The following NUGGC variants were observed in gnomAD, a reference collection of about 807,000 sequenced individuals.
The protein encoded by NUGGC is nuclear GTPase, germinal center associated.
In NUGGC, 58 loss-of-function variants were observed where a neutral mutation model predicts 92.6. That is an observed-to-expected ratio of 0.63 (90% CI 0.51 to 0.78). The LOEUF is 0.78. NUGGC is among the 30% of genes least tolerant of loss of function. The pLI is 0.00. For missense variants in NUGGC, 925 were observed against 964.6 expected, an observed-to-expected ratio of 0.96 and a Z score of 0.54; for synonymous variants, 376 against 366.4, an observed-to-expected ratio of 1.03 and a Z score of -0.30.
At chr8:28,054,125 A>T (rs940306157) in intron 10 of NUGGC, among the ~76,000 whole-genome samples, 1 of 152,194 alleles carries the variant, frequency 6.6e-6, no homozygotes, top group Non-Finnish European at 1.5e-5. Context: ...TTACTCTGAT[A>T]TATCCCTTAT....
chr8:28,053,999 A>C (rs901942794), intron 10 of NUGGC, among the ~76,000 whole-genome samples: 1 of 152,246 alleles, frequency 6.6e-6, no homozygotes, highest in African/African-American at 2.4e-5. Flanking sequence ...ATATTATTGA[A>C]GGCAAAATAC....
chr8:28,052,285 A>T (rs1299891051), intron 10 of NUGGC, among the ~76,000 whole-genome samples: 5 of 152,202 alleles, frequency 3.3e-5, no homozygotes. Flanking sequence ...GCCAGGTGGC[A>T]GTCACAAGGT....
At chr8:28,072,879 G>A (rs1340281756) in intron 2 of NUGGC, among the ~76,000 whole-genome samples, 1 of 151,854 alleles carries the variant, frequency 6.6e-6, no homozygotes, top group Non-Finnish European at 1.5e-5. Context: ...TGTTGGGGTG[G>A]ATAGCGGCAG....
At chr8:28,056,190 A>T in intron 9 of NUGGC, 136 bp from the exon 10 acceptor site, 1 of 563,040 alleles carries the variant, frequency 1.8e-6, no homozygotes, top group South Asian at 2.3e-5. Context: ...TTAGAATTAT[A>T]CACAGTTGCC....
intron 8 of NUGGC, among the ~76,000 whole-genome samples, chr8:28,059,434 C>T (rs1193184485): frequency 1.3e-5 from 2 of 152,164 alleles, no homozygotes; most frequent in African/African-American, 4.8e-5. Flanking sequence ...AAATGCATAC[C>T]TTTCATTGTA....
In NUGGC at chr8:28,079,412, C is replaced by CAT. The variant is rs1563234872; in HGVS notation, c.-47+4362_-47+4363insAT. Among the ~76,000 whole-genome samples the CAT allele has an allele frequency of 1.4e-3, 218 of 152,184 alleles. 2 individuals carry two copies. The highest frequency in any genetic ancestry group is 5.2e-3 in the African/African-American group (215 of 41,504). On this transcript the variant is annotated intron_variant, in intron 1 of 18. Transcript: ENST00000413272. ...AAAATTAGCCCGGTGTGGTGGCACGCGCCTGTAATCCCAGCTACTCAGGAG... is the reference window on the plus strand; with the variant it reads ...AAAATTAGCCCGGTGTGGTGGCACGCATGCCTGTAATCCCAGCTACTCAGGAG...
At chr8:28,056,355 G>T (rs1443352787) in intron 9 of NUGGC, among the ~76,000 whole-genome samples, 3 of 151,884 alleles carry the variant, frequency 2.0e-5, no homozygotes, top group East Asian at 3.9e-4. Flanking sequence ...GCACGTGCCT[G>T]TAGTCCCAGC....
At chr8:28,041,273 T>C (rs1809693480) in intron 12 of NUGGC, 58 bp from the exon 13 acceptor site, 5 of 1,519,580 alleles carry the variant, frequency 3.3e-6, no homozygotes, top group Non-Finnish European at 4.5e-6. Flanking sequence ...CACCTTCTCC[T>C]GAAGCTTTGC....
At chr8:28,069,475 G>A (rs1253198953) in intron 4 of NUGGC, 69 bp downstream of exon 4, 3 of 754,472 alleles carry the variant, frequency 4.0e-6, no homozygotes, top group Non-Finnish European at 6.9e-6. Context: ...CTTGTTGGGG[G>A]AAAGCACCTA....
intron 10 of NUGGC, among the ~76,000 whole-genome samples, chr8:28,049,725 G>A (rs1014423928): frequency 1.2e-4 from 18 of 152,144 alleles, no homozygotes; most frequent in Non-Finnish European, 2.1e-4. Context: ...ATAATAAAAC[G>A]TAACACAATA....
At chr8:28,058,468 C>A (rs139656157) in intron 8 of NUGGC, among the ~76,000 whole-genome samples, 192 bp from the exon 9 acceptor site, 1 of 152,138 alleles carries the variant, frequency 6.6e-6, no homozygotes, top group Non-Finnish European at 1.5e-5. Context: ...CATTTCTCAA[C>A]GGCCAGCCAG....
intron 6 of NUGGC, 87 bp downstream of exon 6, chr8:28,067,427 G>C: frequency 3.6e-6 from 3 of 826,344 alleles, no homozygotes; most frequent in South Asian, 1.6e-5. Flanking sequence ...CACAAACACT[G>C]TACCACAAGC....
At chr8:28,045,712 C>A in intron 11 of NUGGC, 52 bp from the exon 12 acceptor site, 1 of 1,566,158 alleles carries the variant, frequency 6.4e-7, no homozygotes, top group South Asian at 1.2e-5. Flanking sequence ...AGTTTGTGGT[C>A]AATAGAATTC....
chr8:28,068,442 G>A lies in NUGGC; in HGVS notation c.258-4C>T. On this transcript the variant is annotated splice_region_variant and splice_polypyrimidine_tract_variant and intron_variant, in intron 4 of 18. Coordinates refer to ENST00000413272, the MANE Select transcript of NUGGC (RefSeq NM_001010906.2). ...AATCAAGGCAAGAAGCCTATTTCTG[G>A]ATGAATTTTAAAATGCACATTGCCA... The A allele has an allele frequency of 6.5e-7, 1 of 1,544,464 alleles. No homozygotes were observed. Among genetic ancestry groups the A allele is most frequent in the South Asian group, 1.2e-5 (1 of 84,234 alleles).
intron 9 of NUGGC, among the ~76,000 whole-genome samples, chr8:28,057,176 G>A (rs1012972551): frequency 1.3e-5 from 2 of 152,058 alleles, no homozygotes; most frequent in Admixed American, 6.5e-5. Context: ...AAGTTGAATC[G>A]CTTCATATGT....
intron 10 of NUGGC, among the ~76,000 whole-genome samples, chr8:28,048,591 C>G (rs532529387): frequency 2.7e-4 from 41 of 152,074 alleles, no homozygotes; most frequent in Non-Finnish European, 1.2e-4. Flanking sequence ...AGTCTGGGTG[C>G]GGTGGTTCAC....
chr8:28,041,247 AC>A, intron 12 of NUGGC, 32 bp from the exon 13 acceptor site: 3 of 1,583,272 alleles, frequency 1.9e-6, no homozygotes, highest in Non-Finnish European at 1.7e-6. Context: ...GAATCAGGCC[AC>A]CCCCTCCCTA....
In NUGGC at chr8:28,036,065, G is replaced by T. The variant is rs553268699; in HGVS notation, c.1612-2368C>A. Among the ~76,000 whole-genome samples the T allele has an allele frequency of 2.8e-4, 42 of 151,920 alleles. 1 individual carries two copies. In the South Asian group the frequency reaches 4.2e-3, roughly 15 times the overall value. On this transcript the variant is annotated intron_variant, in intron 13 of 18. Transcript: ENST00000413272. ...GCCCAACTTTTTTTTTTAAGAGACA[G>T]GTTCTTGCTATGTTGCCTGGTTGGT... is the stretch of plus-strand genomic sequence containing the variant.
chr8:28,029,460 G>A (rs1563213623), intron 16 of NUGGC, 58 bp from the exon 17 acceptor site: 1 of 1,588,772 alleles, frequency 6.3e-7, no homozygotes, highest in Non-Finnish European at 8.6e-7. Context: ...GAAATCTTTG[G>A]CACCATGGCC....
Sources: allele counts gnomAD v4.1 joint callset (sites outside exome capture counted in the v4.1 genomes callset), GRCh38; gene constraint gnomAD v4.1.1; transcripts MANE v1.5; gene names NCBI Gene and HGNC (gene_info 2026-07-23, HGNC 2026-07-21).